Variants in COL13A1 observed in about 807,000 individuals in gnomAD.
The protein encoded by COL13A1 is collagen alpha-1(XIII) chain.
Under a neutral mutation model 130.9 loss-of-function variants are expected in COL13A1, and 89 were observed. The observed-to-expected ratio is 0.68, with a 90% CI of 0.57 to 0.81. The LOEUF is 0.81. Ranked by LOEUF, COL13A1 falls within the 30% of genes least tolerant of loss-of-function variation. The pLI is 0.00. For synonymous variants in COL13A1, 402 were observed against 341.6 expected (o/e 1.18, Z -1.95); for missense variants, 879 against 934.6 (o/e 0.94, Z 0.78).
chr10:69,873,331 G>A (rs1454196722), intron 4 of COL13A1, among the ~76,000 whole-genome samples: 1 of 152,192 alleles, frequency 6.6e-6, no homozygotes, highest in Non-Finnish European at 1.5e-5. Context: ...GTGGGGGAAT[G>A]TTCAGACTTG....
At chr10:69,944,304 G>A (rs2068109576) in intron 36 of COL13A1, 126 bp downstream of exon 36, 1 of 815,604 alleles carries the variant, frequency 1.2e-6, no homozygotes, top group African/African-American at 1.7e-5. Context: ...CCTCACAGCA[G>A]CCTGGGACAG....
chr10:69,936,851 C>A (rs1274139054), intron 33 of COL13A1, 69 bp downstream of exon 33: 2 of 1,590,768 alleles, frequency 1.3e-6, no homozygotes, highest in Non-Finnish European at 1.7e-6. Context: ...CACCTGAGAC[C>A]AGCTGACCCT....
At chr10:69,924,146 C>G (rs2065045905) in intron 24 of COL13A1, among the ~76,000 whole-genome samples, 1 of 152,212 alleles carries the variant, frequency 6.6e-6, no homozygotes, top group Non-Finnish European at 1.5e-5. Context: ...CTGTGAAAGG[C>G]TGCTGTGTCC....
At chr10:69,815,495 C>G (rs1272043352) in intron 1 of COL13A1, among the ~76,000 whole-genome samples, 2 of 152,212 alleles carry the variant, frequency 1.3e-5, no homozygotes, top group African/African-American at 4.8e-5. Flanking sequence ...GCTGAGGGTC[C>G]ACCCTAGGGC....
At chr10:69,917,016 A>G (rs1260838344) in intron 17 of COL13A1, among the ~76,000 whole-genome samples, 1 of 152,132 alleles carries the variant, frequency 6.6e-6, no homozygotes, top group Non-Finnish European at 1.5e-5. Context: ...ATCTTGGGCC[A>G]GTCACTTCTC....
intron 40 of COL13A1, 61 bp downstream of exon 40, chr10:69,957,103 C>T: frequency 7.1e-7 from 1 of 1,413,572 alleles, no homozygotes. Context: ...AAAGCTTCCA[C>T]AATTTCCATT....
chr10:69,947,178 A>G, intron 37 of COL13A1, 129 bp from the exon 38 acceptor site: 1 of 790,044 alleles, frequency 1.3e-6, no homozygotes, highest in Non-Finnish European at 2.1e-6. Context: ...CTTTCCGTGT[A>G]GTGGGAATAA....
intron 38 of COL13A1, among the ~76,000 whole-genome samples, chr10:69,948,235 G>T (rs1392264291): frequency 6.6e-6 from 1 of 152,166 alleles, no homozygotes; most frequent in Non-Finnish European, 1.5e-5. Context: ...AAGAGCACAC[G>T]GTCTCCAGAA....
At position 69,898,738 on chromosome 10, in the gene COL13A1, G is replaced by C. The variant is rs538730570; in HGVS notation, c.726G>C (p.Pro242=). 2 of 1,613,174 alleles carry C rather than the reference G, an allele frequency of 1.2e-6. No homozygotes were observed. Among genetic ancestry groups the C allele is most frequent in the East Asian group, 2.2e-5 (1 of 44,822 alleles). Residue 242 remains proline, a synonymous_variant, in exon 14 of 41, where the codon CCG becomes CCC. Coordinates refer to ENST00000645393, the MANE Select transcript of COL13A1 (RefSeq NM_001368882.1). ...LLNSVRLAPP[P]VIKRRTFQGE... Reference sequence around the variant, plus strand: ...ATTCAGTGCGACTGGCTCCACCCCCGGTCATAAAAAGGCGGACGTTCCAGG... The same window carrying C: ...ATTCAGTGCGACTGGCTCCACCCCCCGTCATAAAAAGGCGGACGTTCCAGG...
intron 3 of COL13A1, among the ~76,000 whole-genome samples, chr10:69,870,034 G>T (rs2058899770): frequency 6.6e-6 from 1 of 152,136 alleles, no homozygotes; most frequent in Non-Finnish European, 1.5e-5. Context: ...TCAAATCCTG[G>T]CACTGCCACT....
chr10:69,812,998 T>C (rs920022263), intron 1 of COL13A1, among the ~76,000 whole-genome samples: 1 of 152,224 alleles, frequency 6.6e-6, no homozygotes, highest in Non-Finnish European at 1.5e-5. Flanking sequence ...CTGCCCCACA[T>C]TGATGTGTGG....
Position 69,930,410 on chromosome 10 carries a change from G to A in COL13A1, c.1541G>A (p.Gly514Asp). Residue 514 changes from glycine to aspartate, a missense_variant, in exon 30 of 41, where the codon GGT (glycine) becomes GAT (aspartate). Transcript: ENST00000645393. ...PGHDGEKGPR[G>D]KPGDMGPPGP... ...TGGTATTTTCTAAAGGGACCTCGCG[G>A]TAAACCAGGAGACATGGGCCCTCCT... 1 of 1,606,182 alleles carries A rather than the reference G, an allele frequency of 6.2e-7. No individual in the cohort carries two copies. Among genetic ancestry groups the A allele is most frequent in the Non-Finnish European group, 8.5e-7 (1 of 1,177,848 alleles).
intron 2 of COL13A1, among the ~76,000 whole-genome samples, chr10:69,824,961 A>T (rs1173295754): frequency 6.6e-6 from 1 of 152,168 alleles, no homozygotes; most frequent in Non-Finnish European, 1.5e-5. Flanking sequence ...AATCACAGCA[A>T]AATCTCCTAG....
At chr10:69,856,707 G>A (rs1454034468) in intron 2 of COL13A1, among the ~76,000 whole-genome samples, 2 of 152,222 alleles carry the variant, frequency 1.3e-5, no homozygotes, top group Non-Finnish European at 1.5e-5. Context: ...TGGATGTGGA[G>A]AAGGGAGCAA....
In COL13A1 at chr10:69,932,557, C is replaced by G. The variant is rs748575426; in HGVS notation, c.1684-3C>G. The G allele has an allele frequency of 1.9e-6, 3 of 1,610,340 alleles. No individual in the cohort carries two copies. The highest frequency in any genetic ancestry group is 3.3e-5 in the Admixed American group (2 of 59,958). On this transcript the variant is annotated splice_region_variant and splice_polypyrimidine_tract_variant and intron_variant, in intron 30 of 40. Coordinates refer to ENST00000645393, the MANE Select transcript of COL13A1 (RefSeq NM_001368882.1). ...TTCATGCAGTGGTGTTTTGTGCCCACAGGGAGAGAAAGGAGAAGCCGGGGA... is the reference window on the plus strand; with the variant it reads ...TTCATGCAGTGGTGTTTTGTGCCCAGAGGGAGAGAAAGGAGAAGCCGGGGA...
chr10:69,832,464 A>T (rs1849051835), intron 2 of COL13A1, among the ~76,000 whole-genome samples: 1 of 152,242 alleles, frequency 6.6e-6, no homozygotes, highest in African/African-American at 2.4e-5. Flanking sequence ...TTGGTCAACC[A>T]TGGAGATACA....
chr10:69,944,703 A>G (rs1311799292), intron 36 of COL13A1, among the ~76,000 whole-genome samples: 2 of 150,852 alleles, frequency 1.3e-5, no homozygotes, highest in African/African-American at 4.9e-5. Flanking sequence ...AGAAAGAAAA[A>G]GAAAAAGAAA....
chr10:69,894,027 C>G (rs2061420600), intron 10 of COL13A1, among the ~76,000 whole-genome samples: 1 of 152,234 alleles, frequency 6.6e-6, no homozygotes, highest in Non-Finnish European at 1.5e-5. Flanking sequence ...CCCTCATATT[C>G]CTTGGAGAAG....
intron 2 of COL13A1, among the ~76,000 whole-genome samples, chr10:69,848,807 T>C (rs1194220681): frequency 1.3e-5 from 2 of 152,150 alleles, no homozygotes; most frequent in Admixed American, 1.3e-4. Flanking sequence ...GGGGGTCACT[T>C]AAGGACAAGT....
Sources: gnomAD v4.1 joint callset for allele counts (sites outside exome capture counted in the v4.1 genomes callset) on GRCh38, gnomAD v4.1.1 for gene constraint, MANE v1.5 for transcripts, NCBI Gene and HGNC (gene_info 2026-07-23, HGNC 2026-07-21) for gene names.